Variants in DTL observed in about 807,000 individuals in gnomAD.
DTL encodes denticleless protein homolog.
DTL carries 46 observed loss-of-function variants against 87.0 expected under a neutral mutation model. The ratio of observed to expected loss-of-function variants is 0.53; its 90% CI spans 0.42 to 0.68. The LOEUF (loss-of-function observed/expected upper bound fraction) is 0.68, where lower values mean the gene tolerates loss of function less well. Ranked by LOEUF, DTL falls within the 30% of genes least tolerant of loss-of-function variation. DTL has a pLI of 0.00. For missense variants in DTL, 737 were observed against 869.4 expected (o/e 0.85, Z 1.91); for synonymous variants, 308 against 311.2 (o/e 0.99, Z 0.11).
At chr1:212,036,813 G>C (rs1558067336) in intron 1 of DTL, among the ~76,000 whole-genome samples, 1 of 152,204 alleles carries the variant, frequency 6.6e-6, no homozygotes, top group Non-Finnish European at 1.5e-5. Flanking sequence ...TCTCACTCAT[G>C]TGAAGGTCGA....
chr1:212,064,922 T>C lies in DTL; in HGVS notation c.532T>C (p.Phe178Leu). ...WDTRCNKKDG[F>L]YRQVNQISGA... ...TTCCTTGGAATATCTTTCAGATGGG[T>C]TTTATAGGCAAGTGAATCAAATCAG... Residue 178 changes from phenylalanine (F) to leucine (L), a missense_variant, in exon 7 of 15, where the codon TTT (phenylalanine) becomes CTT (leucine). Phe to Leu is a conservative substitution (Grantham distance 22). Coordinates refer to ENST00000366991, the MANE Select transcript of DTL (RefSeq NM_016448.4). 1 of 1,613,432 alleles carries C rather than the reference T, an allele frequency of 6.2e-7. No individual in the cohort carries two copies.
chr1:212,100,360 A>C lies in DTL; in HGVS notation c.1370A>C (p.Asp457Ala), dbSNP rs1260308657. Reference protein sequence around the residue: ...SAACAPSCAGDLPLPSNTPTF... With the variant: ...SAACAPSCAGALPLPSNTPTF... ...GCTTGTGCCCCAAGCTGTGCTGGAG[A>C]CCTCCCTCTTCCTTCAAATACTCCT... The change falls in exon 14 of 15, where the codon GAC (aspartate) becomes GCC (alanine). Residue 457 changes from aspartate to alanine, a missense_variant. Asp to Ala is a moderately radical substitution (Grantham distance 126, BLOSUM62 -2). Coordinates refer to ENST00000366991, the MANE Select transcript of DTL (RefSeq NM_016448.4). 2 of 1,534,298 alleles carry C rather than the reference A, an allele frequency of 1.3e-6. No homozygotes were observed. Among genetic ancestry groups the C allele is most frequent in the Non-Finnish European group, 1.8e-6 (2 of 1,108,900 alleles).
At chr1:212,090,949 T>C (rs1655263828) in intron 13 of DTL, among the ~76,000 whole-genome samples, 1 of 152,246 alleles carries the variant, frequency 6.6e-6, no homozygotes, top group South Asian at 2.1e-4. Flanking sequence ...TGAGAGCCCC[T>C]GTGCAGTGCC....
chr1:212,100,695 A>T lies in DTL; in HGVS notation c.1705A>T (p.Lys569Ter). ...CLESVKQKCV[K>*]SCNCVTELDG... is the part of the protein sequence containing the mutation. ...GGAGAGTGTGAAACAAAAGTGTGTG[A>T]AGAGTTGTAACTGTGTGACTGAGCT... Residue 569 changes from lysine to a stop codon, truncating the protein, a stop_gained, in exon 14 of 15, where the codon AAG becomes TAG. Transcript: ENST00000366991. LOFTEE classifies it high-confidence loss of function. The T allele has an allele frequency of 6.2e-7, 1 of 1,614,126 alleles. No individual in the cohort carries two copies. Among genetic ancestry groups the T allele is most frequent in the Non-Finnish European group, 8.5e-7 (1 of 1,180,026 alleles).
chr1:212,035,992 C>G (rs778572459), intron 1 of DTL, 50 bp downstream of exon 1: 43 of 1,580,604 alleles, frequency 2.7e-5, no homozygotes, highest in Non-Finnish European at 3.6e-5. Flanking sequence ...TTCATTTCCC[C>G]CGAAACACAC....
At chr1:212,094,550 G>A (rs1401106113) in intron 13 of DTL, among the ~76,000 whole-genome samples, 1 of 152,132 alleles carries the variant, frequency 6.6e-6, no homozygotes, top group Non-Finnish European at 1.5e-5. Flanking sequence ...CTGCAGATTT[G>A]TTCTTTTTGC....
intron 11 of DTL, among the ~76,000 whole-genome samples, chr1:212,077,413 ATAT>A (rs1420544283): frequency 6.6e-6 from 1 of 152,202 alleles, no homozygotes; most frequent in Non-Finnish European, 1.5e-5. Context: ...GCATTAAAAT[ATAT>A]TAAAATGCGA....
intron 5 of DTL, among the ~76,000 whole-genome samples, chr1:212,054,090 A>G (rs557602003): frequency 6.6e-6 from 1 of 152,324 alleles, no homozygotes; most frequent in African/African-American, 2.4e-5. Flanking sequence ...TCACACCTAC[A>G]GGAGGGCAGT....
At chr1:212,101,153 T>A in intron 14 of DTL, 69 bp downstream of exon 14, 2 of 977,656 alleles carry the variant, frequency 2.0e-6, no homozygotes, top group Non-Finnish European at 2.8e-6. Flanking sequence ...ATGTCTCAAG[T>A]CAGGATGCTT....
intron 13 of DTL, among the ~76,000 whole-genome samples, chr1:212,091,102 A>G (rs1227679257): frequency 6.6e-6 from 1 of 152,236 alleles, no homozygotes; most frequent in East Asian, 1.9e-4. Context: ...TTCACAATAT[A>G]TTAAGAAGCA....
intron 5 of DTL, among the ~76,000 whole-genome samples, chr1:212,052,941 T>A (rs1368921093): frequency 6.6e-6 from 1 of 152,214 alleles, no homozygotes; most frequent in Non-Finnish European, 1.5e-5. Context: ...TAGAATCTTT[T>A]CATCAGTCCA....
At chr1:212,092,238 G>GAAT (rs1655305624) in intron 13 of DTL, among the ~76,000 whole-genome samples, 1 of 152,156 alleles carries the variant, frequency 6.6e-6, no homozygotes, top group East Asian at 1.9e-4. Context: ...ACTTCACTTA[G>GAAT]AATAATGGTC....
intron 13 of DTL, among the ~76,000 whole-genome samples, chr1:212,087,628 A>T (rs1655169233): frequency 6.6e-6 from 1 of 152,036 alleles, no homozygotes; most frequent in Non-Finnish European, 1.5e-5. Flanking sequence ...AGATTACTCC[A>T]TTTCTGGGTG....
rs770437563 is a variant in DTL at position 212,044,775 on chromosome 1, A to G, written c.277+17A>G. On this transcript the variant is annotated intron_variant, in intron 3 of 14. Coordinates refer to ENST00000366991, the MANE Select transcript of DTL (RefSeq NM_016448.4). ...GCTTCAAAGGTAAGTCTAGGTCTAC[A>G]ATTTTTGTTTTAACATTTAAAAAAC... is the stretch of plus-strand genomic sequence containing the variant. The G allele has an allele frequency of 2.6e-6, 4 of 1,530,394 alleles. No homozygotes were observed. Among genetic ancestry groups the G allele is most frequent in the Non-Finnish European group, 3.6e-6 (4 of 1,116,718 alleles). The allele number at this position is 1,530,394 out of a possible 1,614,324, so 94.8% of individuals were successfully genotyped here. A position where few individuals can be genotyped will look rare whatever the true frequency, so the allele number is the denominator to read the frequency against.
At chr1:212,052,250 C>T (rs1668006256) in intron 5 of DTL, among the ~76,000 whole-genome samples, 1 of 152,086 alleles carries the variant, frequency 6.6e-6, no homozygotes, top group African/African-American at 2.4e-5. Context: ...AGTCATGGTT[C>T]CCTTCACAGT....
intron 7 of DTL, among the ~76,000 whole-genome samples, chr1:212,066,371 C>T (rs1056795360): frequency 1.3e-5 from 2 of 152,100 alleles, no homozygotes; most frequent in East Asian, 1.9e-4. Flanking sequence ...TTAGGAGGTA[C>T]GACTCCACTG....
chr1:212,100,556 C>A lies in DTL; in HGVS notation c.1566C>A (p.Thr522=), dbSNP rs1377496123. 6.2e-7 allele frequency: 1 copy of A among 1,613,972 alleles called. No individual in the cohort carries two copies. The highest frequency in any genetic ancestry group is 8.5e-7 in the Non-Finnish European group (1 of 1,180,002). Reference sequence around the variant, plus strand: ...CCATCACTCCACCTGCTTCGGAGACCAAGATCATGTCTCCGAGAAAAGCCC... The same window carrying A: ...CCATCACTCCACCTGCTTCGGAGACAAAGATCATGTCTCCGAGAAAAGCCC... ...SPPITPPASE[T]KIMSPRKALI... Residue 522 remains threonine (T), a synonymous_variant, in exon 14 of 15, where the codon ACC becomes ACA. Coordinates refer to ENST00000366991, the MANE Select transcript of DTL (RefSeq NM_016448.4).
chr1:212,074,082 A>AG (rs1414851048), intron 11 of DTL, among the ~76,000 whole-genome samples: 1 of 151,980 alleles, frequency 6.6e-6, no homozygotes, highest in Non-Finnish European at 1.5e-5. Context: ...CATCACAAAA[A>AG]GCATATAAGA....
chr1:212,100,652 G>A lies in DTL; in HGVS notation c.1662G>A (p.Arg554=), dbSNP rs886772849. 2 of 1,614,034 alleles carry A rather than the reference G, an allele frequency of 1.2e-6. No homozygotes were observed. Among genetic ancestry groups the A allele is most frequent in the Non-Finnish European group, 1.7e-6 (2 of 1,180,010 alleles). The change falls in exon 14 of 15, where the codon AGG becomes AGA. Residue 554 remains arginine, a synonymous_variant. Coordinates refer to ENST00000366991, the MANE Select transcript of DTL (RefSeq NM_016448.4). ...CSESRNRVKR[R]LDSSCLESVK... ...AGTCTAGAAATAGAGTAAAGAGGAG[G>A]CTAGACTCAAGCTGTCTGGAGAGTG...
Sources: gnomAD v4.1 joint callset for allele counts (sites outside exome capture counted in the v4.1 genomes callset) on GRCh38, gnomAD v4.1.1 for gene constraint, MANE v1.5 for transcripts, NCBI Gene and HGNC (gene_info 2026-07-23, HGNC 2026-07-21) for gene names.